Variants in CBFA2T2 observed in about 807,000 individuals in gnomAD.
CBFA2T2 encodes protein CBFA2T2.
CBFA2T2 carries 11 observed loss-of-function variants against 62.2 expected under a neutral mutation model. The ratio of observed to expected loss-of-function variants is 0.18; its 90% CI spans 0.11 to 0.29. The LOEUF is 0.29. Among genes scored for constraint, CBFA2T2 ranks in the 10% least tolerant of loss-of-function variants. The probability of loss-of-function intolerance (pLI) is 1.00; values close to 1 mark genes in which losing one functional copy is unlikely to be tolerated. For synonymous variants in CBFA2T2, 295 were observed against 287.5 expected (o/e 1.03, Z -0.27); for missense variants, 592 against 774.1 (o/e 0.76, Z 2.79).
intron 3 of CBFA2T2, 93 bp from the exon 4 acceptor site, chr20:33,619,424 A>AATAC: frequency 3.1e-6 from 2 of 644,862 alleles, no homozygotes; most frequent in Non-Finnish European, 5.0e-6. Flanking sequence ...TAAATAAATA[A>AATAC]ATAACATTAA....
intron 1 of CBFA2T2, among the ~76,000 whole-genome samples, chr20:33,598,347 G>T (rs1466809842): frequency 6.6e-6 from 1 of 152,108 alleles, no homozygotes; most frequent in East Asian, 1.9e-4. Context: ...GGCGCACCTA[G>T]GGGGGCCGTT....
chr20:33,607,615 G>A (rs1163514830), intron 2 of CBFA2T2, among the ~76,000 whole-genome samples: 1 of 152,144 alleles, frequency 6.6e-6, no homozygotes, highest in African/African-American at 2.4e-5. Context: ...GGCAGGTTTG[G>A]TTTTACCTGG....
At position 33,646,863 on chromosome 20, in the gene CBFA2T2, A is replaced by T. The variant is rs947795868; in HGVS notation, c.*2217A>T. 2 of 150,678 alleles carry T rather than the reference A, an allele frequency of 1.3e-5. No individual in the cohort carries two copies. The highest frequency in any genetic ancestry group is 3.0e-5 in the Non-Finnish European group (2 of 67,494). 9.3% of individuals were successfully genotyped at this position (150,678 alleles called of 1,614,324 possible). ...GCAACAGAGCAAAACTCTGTCTCAA[A>T]AAAAAAAAAAAAAAGGCAAAATTAA... On this transcript the variant is annotated 3_prime_UTR_variant, in exon 11 of 11. Transcript: ENST00000342704.
chr20:33,633,955 AT>A (rs892099874), intron 8 of CBFA2T2, among the ~76,000 whole-genome samples: 9 of 151,538 alleles, frequency 5.9e-5, no homozygotes, highest in Non-Finnish European at 1.3e-4. Flanking sequence ...TGCAAGTAAA[AT>A]TTTTTTTTGT....
Position 33,490,178 on chromosome 20 carries a change from G to A in CBFA2T2, c.-90G>A. The A allele has an allele frequency of 3.4e-6, 4 of 1,181,370 alleles. No homozygotes were observed. Among genetic ancestry groups the A allele is most frequent in the Non-Finnish European group, 4.2e-6 (4 of 950,932 alleles). The allele number at this position is 1,181,370 out of a possible 1,614,324, so 73.2% of individuals were successfully genotyped here. A position where few individuals can be genotyped will look rare whatever the true frequency, so the allele number is the denominator to read the frequency against. Reference sequence around the variant, plus strand: ...CAGATCTCGCGGCGACGCCTGCGAGGGACCCGGGCCGCGGGTCGAGGCGGG... The same window carrying A: ...CAGATCTCGCGGCGACGCCTGCGAGAGACCCGGGCCGCGGGTCGAGGCGGG... On this transcript the variant is annotated 5_prime_UTR_variant, in exon 1 of 11. Coordinates refer to ENST00000342704, the MANE Select transcript of CBFA2T2 (RefSeq NM_001032999.3).
intron 1 of CBFA2T2, among the ~76,000 whole-genome samples, chr20:33,587,376 C>T (rs1011840360): frequency 6.6e-6 from 1 of 151,892 alleles, no homozygotes; most frequent in African/African-American, 2.4e-5. Flanking sequence ...AAGTGATTCT[C>T]CTGCCTCAGC....
rs186336694 is a variant in CBFA2T2 at position 33,523,771 on chromosome 20, G to A, written c.34+33470G>A. ...TGGCATGATCCTCACCGCAACCTCC[G>A]CCTCCCTGGTTCAAGCAATTCTCCT... is the stretch of plus-strand genomic sequence containing the variant. On this transcript the variant is annotated intron_variant, in intron 1 of 10. Transcript: ENST00000342704. 8.6e-4 allele frequency among the ~76,000 whole-genome samples: 131 copies of A among 152,118 alleles called. 1 individual carries two copies. The highest frequency in any genetic ancestry group is 7.5e-3 in the Admixed American group (114 of 15,268).
At chr20:33,608,024 C>T (rs1456699776) in intron 2 of CBFA2T2, among the ~76,000 whole-genome samples, 1 of 152,230 alleles carries the variant, frequency 6.6e-6, no homozygotes, top group Non-Finnish European at 1.5e-5. Context: ...GCAACTTGAA[C>T]ACTCATACAA....
Position 33,531,883 on chromosome 20 carries a change from G to A in CBFA2T2, c.34+41582G>A, listed in dbSNP as rs570088200. Among the ~76,000 whole-genome samples, 3 of 152,252 alleles carry A rather than the reference G, an allele frequency of 2.0e-5. No individual in the cohort carries two copies. The East Asian group carries it at 5.8e-4, about 29-fold the overall frequency. The stretch of plus-strand genomic sequence containing the variant: ...AAAGCTGGTAAAGATCAAGTTAAAA[G>A]GAAAAAGAAAAGTTCAAAGGTAGGA... On this transcript the variant is annotated intron_variant, in intron 1 of 10. Transcript: ENST00000342704.
Position 33,607,116 on chromosome 20 carries a change from A to G in CBFA2T2, c.178+17A>G, listed in dbSNP as rs762696208. 1 of 1,609,124 alleles carries G rather than the reference A, an allele frequency of 6.2e-7. No individual in the cohort carries two copies. Among genetic ancestry groups the G allele is most frequent in the Non-Finnish European group, 8.5e-7 (1 of 1,176,516 alleles). The stretch of plus-strand genomic sequence containing the variant: ...CTACTGCATGTGAGACCTCTTAGTT[A>G]CTTATGTTTGTAGTTCAGAGTGACA... On this transcript the variant is annotated intron_variant, in intron 2 of 10. Coordinates refer to ENST00000342704, the MANE Select transcript of CBFA2T2 (RefSeq NM_001032999.3).
intron 8 of CBFA2T2, among the ~76,000 whole-genome samples, chr20:33,634,189 G>A (rs754506995): frequency 1.6e-4 from 25 of 152,014 alleles, no homozygotes; most frequent in Non-Finnish European, 3.2e-4. Context: ...GGTCGGTCTC[G>A]AACTCCTGAC....
chr20:33,515,822 C>T (rs1412477812), intron 1 of CBFA2T2, among the ~76,000 whole-genome samples: 2 of 129,898 alleles, frequency 1.5e-5, no homozygotes, highest in African/African-American at 2.8e-5. Context: ...AAAAAAAAAA[C>T]GGGGCGGGGG....
At chr20:33,512,211 C>T (rs755009379) in intron 1 of CBFA2T2, among the ~76,000 whole-genome samples, 6 of 151,886 alleles carry the variant, frequency 4.0e-5, no homozygotes, top group Non-Finnish European at 8.8e-5. Context: ...TGGCGGTGTG[C>T]AGGCGGTGTG....
intron 4 of CBFA2T2, among the ~76,000 whole-genome samples, chr20:33,621,287 CT>C (rs199805350): frequency 3.7e-3 from 319 of 85,282 alleles, no homozygotes; most frequent in African/African-American, 0.014. Flanking sequence ...ATTTTACTGC[CT>C]TTTTTTTTTT....
At chr20:33,619,447 AG>A in intron 3 of CBFA2T2, 69 bp from the exon 4 acceptor site, 58 of 730,192 alleles carry the variant, frequency 7.9e-5, no homozygotes, top group South Asian at 3.4e-4. Flanking sequence ...AAAAAAAAAA[AG>A]AAGAGTTTGG....
intron 9 of CBFA2T2, among the ~76,000 whole-genome samples, chr20:33,637,699 C>T (rs1018218798): frequency 2.8e-4 from 42 of 149,918 alleles, no homozygotes; most frequent in African/African-American, 1.0e-3. Context: ...TGGAGTTTCG[C>T]GCTTGTTGCC....
chr20:33,522,814 C>A (rs956381695), intron 1 of CBFA2T2, among the ~76,000 whole-genome samples: 1 of 151,946 alleles, frequency 6.6e-6, no homozygotes, highest in East Asian at 1.9e-4. Context: ...ACAATTATAC[C>A]ATTGAGATGC....
intron 3 of CBFA2T2, among the ~76,000 whole-genome samples, chr20:33,617,874 G>A (rs76296903): frequency 1.7e-4 from 26 of 152,138 alleles, no homozygotes; most frequent in Non-Finnish European, 3.7e-4. Flanking sequence ...AATGTTTACC[G>A]AATAATAAAT....
intron 1 of CBFA2T2, among the ~76,000 whole-genome samples, chr20:33,503,377 C>T (rs1050863126): frequency 5.3e-5 from 8 of 150,822 alleles, no homozygotes; most frequent in African/African-American, 1.9e-4. Flanking sequence ...GCCTCAGCCT[C>T]CCGACTAGCT....
Sources: allele counts gnomAD v4.1 joint callset (sites outside exome capture counted in the v4.1 genomes callset), GRCh38; gene constraint gnomAD v4.1.1; transcripts MANE v1.5; gene names NCBI Gene and HGNC (gene_info 2026-07-23, HGNC 2026-07-21).